The following PDE9A variants were observed in gnomAD, a reference collection of about 807,000 sequenced individuals.
PDE9A encodes the protein phosphodiesterase 9A, also known as high affinity cGMP-specific 3',5'-cyclic phosphodiesterase 9A.
Under a neutral mutation model 87.4 loss-of-function variants are expected in PDE9A, and 60 were observed. The ratio of observed to expected loss-of-function variants is 0.69; its 90% CI spans 0.56 to 0.85. The LOEUF (loss-of-function observed/expected upper bound fraction) is 0.85, where lower values mean the gene tolerates loss of function less well. Ranked by LOEUF, PDE9A falls within the 40% of genes least tolerant of loss-of-function variation. The pLI is 0.00. For synonymous variants in PDE9A, 272 were observed against 279.4 expected (o/e 0.97, Z 0.27); for missense variants, 665 against 779.0 (o/e 0.85, Z 1.74).
At position 42,696,491 on chromosome 21, in the gene PDE9A, G is replaced by A. The variant is rs961262286; in HGVS notation, c.219-2477G>A. Among the ~76,000 whole-genome samples, 1 of 152,314 alleles carries A rather than the reference G, an allele frequency of 6.6e-6. No individual in the cohort carries two copies. Among genetic ancestry groups the A allele is most frequent in the East Asian group, 1.9e-4 (1 of 5,182 alleles). On this transcript the variant is annotated intron_variant, in intron 3 of 19. Transcript: ENST00000291539. The surrounding 1 kb of genome is among the most constrained non-coding windows in gnomAD (Gnocchi z 5.1). ...CGGAGAGGAGTGGGGAGCCAGGGTGGCAAAGCCCCTTCCTGCTGCCCACGC... is the reference window on the plus strand; with the variant it reads ...CGGAGAGGAGTGGGGAGCCAGGGTGACAAAGCCCCTTCCTGCTGCCCACGC...
At chr21:42,731,971 A>G in intron 5 of PDE9A, 22 bp downstream of exon 5, 2 of 1,612,310 alleles carry the variant, frequency 1.2e-6, no homozygotes, top group Non-Finnish European at 1.7e-6. Flanking sequence ...CTCCTCGGCC[A>G]CAGCCTCCAC....
At chr21:42,774,628 T>A (rs1197059558) in intron 19 of PDE9A, among the ~76,000 whole-genome samples, 1 of 152,124 alleles carries the variant, frequency 6.6e-6, no homozygotes, top group Non-Finnish European at 1.5e-5. Context: ...ACACCTGTAA[T>A]CCCAGAACTT....
chr21:42,729,299 G>A (rs1038096950), intron 4 of PDE9A, among the ~76,000 whole-genome samples: 32 of 152,100 alleles, frequency 2.1e-4, no homozygotes, highest in Non-Finnish European at 4.3e-4. Flanking sequence ...TAGTGTTCCC[G>A]TATTATCCTT....
Position 42,733,401 on chromosome 21 carries a change from G to A in PDE9A, c.543G>A (p.Leu181=). Residue 181 remains leucine, a synonymous_variant, in exon 7 of 20, where the codon TTG becomes TTA. Transcript: ENST00000291539. ...TGAAAGCTGAAGTTGCAAATCACTT[G>A]GCTGTCCTAGAGAAACGCGTGGAAT... ...NELKAEVANH[L]AVLEKRVELE... 1 of 1,604,428 alleles carries A rather than the reference G, an allele frequency of 6.2e-7. No homozygotes were observed. The highest frequency in any genetic ancestry group is 8.5e-7 in the Non-Finnish European group (1 of 1,171,082).
chr21:42,769,771 CA>C (rs1315202730), intron 17 of PDE9A, among the ~76,000 whole-genome samples: 3 of 148,760 alleles, frequency 2.0e-5, no homozygotes, highest in Non-Finnish European at 4.5e-5. Flanking sequence ...CACATGCACG[CA>C]CACAGGTACA....
chr21:42,671,507 T>C (rs2058560750), intron 1 of PDE9A, among the ~76,000 whole-genome samples: 1 of 152,210 alleles, frequency 6.6e-6, no homozygotes, highest in Admixed American at 6.5e-5. Flanking sequence ...ATTCTGAGTG[T>C]GACTTTACTG....
intron 4 of PDE9A, among the ~76,000 whole-genome samples, chr21:42,727,077 CAAAAA>C (rs34249348): frequency 3.7e-5 from 3 of 81,670 alleles, no homozygotes; most frequent in East Asian, 3.1e-4. Flanking sequence ...TCTATTTCTA[CAAAAA>C]AAAAAAAAAA....
intron 6 of PDE9A, 95 bp downstream of exon 6, chr21:42,732,219 G>T (rs1314782348): frequency 8.3e-7 from 1 of 1,201,554 alleles, no homozygotes; most frequent in African/African-American, 1.5e-5. Flanking sequence ...GGCCTTGGCC[G>T]GCAAGCGTGG....
intron 1 of PDE9A, among the ~76,000 whole-genome samples, chr21:42,661,025 T>C (rs1327846807): frequency 6.8e-6 from 1 of 146,868 alleles, no homozygotes; most frequent in Non-Finnish European, 1.5e-5. Flanking sequence ...TGCTTTAGAT[T>C]CTCTGCCAAT....
At chr21:42,662,735 C>T (rs1176871582) in intron 1 of PDE9A, among the ~76,000 whole-genome samples, 1 of 140,320 alleles carries the variant, frequency 7.1e-6, no homozygotes, top group African/African-American at 2.6e-5. Flanking sequence ...ACACACCAGG[C>T]ACATCACACA....
At position 42,702,872 on chromosome 21, in the gene PDE9A, G is replaced by T. The variant is rs766899645; in HGVS notation, c.262+3861G>T. 6.6e-6 allele frequency among the ~76,000 whole-genome samples: 1 copy of T among 152,226 alleles called. No homozygotes were observed. The highest frequency in any genetic ancestry group is 2.4e-5 in the African/African-American group (1 of 41,446). ...GATGCTGGCTTTTATGCTGAGTGGC[G>T]TGGGCAGCTATTAGAAGGCTTTCAG... On this transcript the variant is annotated intron_variant, in intron 4 of 19. Transcript: ENST00000291539. This position sits in a 1 kb window ranked among gnomAD's most constrained non-coding sequence, Gnocchi z 4.9.
intron 15 of PDE9A, among the ~76,000 whole-genome samples, chr21:42,766,331 C>CAG (rs374484809): frequency 6.6e-6 from 1 of 151,446 alleles, no homozygotes; most frequent in Admixed American, 6.6e-5. Flanking sequence ...TCTCAGATAA[C>CAG]AGAGAGAGAG....
At chr21:42,725,909 G>C (rs1385158515) in intron 4 of PDE9A, among the ~76,000 whole-genome samples, 1 of 152,186 alleles carries the variant, frequency 6.6e-6, no homozygotes, top group Admixed American at 6.5e-5. Flanking sequence ...GAACCTACCA[G>C]ACTGTTTTCA....
At position 42,739,379 on chromosome 21, in the gene PDE9A, T is replaced by A. The variant is rs2052855345; in HGVS notation, c.569-4397T>A. The stretch of plus-strand genomic sequence containing the variant: ...GTCGAAGAGGGGAGCTGTGGAATCT[T>A]CCCCAAAGCAGCCGGGTGTCCTGGA... On this transcript the variant is annotated intron_variant, in intron 7 of 19. Coordinates refer to ENST00000291539, the MANE Select transcript of PDE9A (RefSeq NM_002606.3). This position sits in a 1 kb window ranked among gnomAD's most constrained non-coding sequence, Gnocchi z 4.1. Among the ~76,000 whole-genome samples, 1 of 151,954 alleles carries A rather than the reference T, an allele frequency of 6.6e-6. No individual in the cohort carries two copies. Among genetic ancestry groups the A allele is most frequent in the African/African-American group, 2.4e-5 (1 of 41,356 alleles).
At chr21:42,656,097 A>G (rs2057049775) in intron 1 of PDE9A, among the ~76,000 whole-genome samples, 1 of 152,132 alleles carries the variant, frequency 6.6e-6, no homozygotes, top group African/African-American at 2.4e-5. Flanking sequence ...TTAAAGTACC[A>G]GGCACTGGGT....
rs147627169 is a variant in PDE9A at position 42,695,035 on chromosome 21, CA to C, written c.219-3932del. Among the ~76,000 whole-genome samples, 2,060 of 152,328 alleles carry C rather than the reference CA, an allele frequency of 0.014. 49 individuals are homozygous for C. Among genetic ancestry groups the C allele is most frequent in the African/African-American group, 0.047 (1,962 of 41,570 alleles). ...CCTCCTATGGCTGGGGATCCACTGG[CA>C]GCTGCCTAACCCTTCCTATGCTCCT... On this transcript the variant is annotated intron_variant, in intron 3 of 19. Coordinates refer to ENST00000291539, the MANE Select transcript of PDE9A (RefSeq NM_002606.3). The surrounding 1 kb of genome is among the most constrained non-coding windows in gnomAD (Gnocchi z 4.3).
At chr21:42,713,790 A>C (rs1044839722) in intron 4 of PDE9A, among the ~76,000 whole-genome samples, 1 of 152,132 alleles carries the variant, frequency 6.6e-6, no homozygotes, top group African/African-American at 2.4e-5. Flanking sequence ...CATAATGTGT[A>C]TGTTAATTCA....
Position 42,666,854 on chromosome 21 carries a change from TCTG to T in PDE9A, c.69+12972_69+12974del, listed in dbSNP as rs547487265. ...GGAATGACCTCTCCCTTCCCCATCT[TCTG>T]GCCTTTGTAACCCTAATGTGGGAAA... On this transcript the variant is annotated intron_variant, in intron 1 of 19. Coordinates refer to ENST00000291539, the MANE Select transcript of PDE9A (RefSeq NM_002606.3). Among the ~76,000 whole-genome samples the T allele has an allele frequency of 6.4e-4, 97 of 152,346 alleles. 2 individuals carry two copies. In the South Asian group the frequency reaches 0.02, roughly 31 times the overall value.
chr21:42,717,283 T>C (rs1035589909), intron 4 of PDE9A, among the ~76,000 whole-genome samples: 2 of 149,088 alleles, frequency 1.3e-5, no homozygotes, highest in African/African-American at 4.9e-5. Context: ...CTTTTGCTGA[T>C]TGGAACATGC....
Sources: allele counts gnomAD v4.1 joint callset (sites outside exome capture counted in the v4.1 genomes callset), GRCh38; gene constraint gnomAD v4.1.1; non-coding constraint Gnocchi (gnomAD v3.1); transcripts MANE v1.5; gene names NCBI Gene and HGNC (gene_info 2026-07-23, HGNC 2026-07-21).